RETREG1: variants seen among roughly 807,000 people sequenced by gnomAD.
RETREG1 encodes family with sequence similarity 134 member B.
Under a neutral mutation model 54.8 loss-of-function variants are expected in RETREG1, and 44 were observed. The observed-to-expected ratio is 0.80, with a 90% CI of 0.63 to 1.03. The LOEUF (loss-of-function observed/expected upper bound fraction) is 1.03. RETREG1 is among the 50% of genes least tolerant of loss of function. The pLI, the probability that RETREG1 is intolerant of heterozygous loss-of-function variation, is 0.00. For synonymous variants in RETREG1, 217 were observed against 238.5 expected (o/e 0.91, Z 0.83); for missense variants, 554 against 605.1 (o/e 0.92, Z 0.89).
intron 1 of RETREG1, among the ~76,000 whole-genome samples, chr5:16,573,742 G>GGT (rs1742250587): frequency 4.0e-5 from 5 of 126,470 alleles, no homozygotes; most frequent in African/African-American, 1.5e-4. Context: ...TTTGTTTTTT[G>GGT]TTTTTTTTTT....
At chr5:16,613,510 G>A (rs151053502) in intron 1 of RETREG1, among the ~76,000 whole-genome samples, 31 of 152,290 alleles carry the variant, frequency 2.0e-4, no homozygotes, top group African/African-American at 7.0e-4. Context: ...TATACCCATT[G>A]GTTACGGCTG....
chr5:16,539,626 C>T (rs1248394938), intron 3 of RETREG1, among the ~76,000 whole-genome samples: 3 of 152,148 alleles, frequency 2.0e-5, no homozygotes, highest in Non-Finnish European at 4.4e-5. Flanking sequence ...AACTGAGCCT[C>T]CCAGTCCTTT....
intron 3 of RETREG1, among the ~76,000 whole-genome samples, chr5:16,510,683 G>A (rs535125044): frequency 4.0e-5 from 6 of 151,774 alleles, no homozygotes; most frequent in Non-Finnish European, 2.9e-5. Context: ...CCAGCTACTC[G>A]GGAGGCTGAG....
intron 3 of RETREG1, among the ~76,000 whole-genome samples, chr5:16,529,708 T>C (rs779001369): frequency 3.4e-4 from 51 of 152,234 alleles, no homozygotes; most frequent in Admixed American, 8.5e-4. Flanking sequence ...CTATATCCGC[T>C]GGTTTGGTTA....
At chr5:16,596,866 C>T (rs1429276697) in intron 1 of RETREG1, among the ~76,000 whole-genome samples, 1 of 152,130 alleles carries the variant, frequency 6.6e-6, no homozygotes, top group African/African-American at 2.4e-5. Flanking sequence ...AGCTTCTATA[C>T]GCAAGCAGAT....
chr5:16,484,398 T>C (rs1402254993), intron 3 of RETREG1, among the ~76,000 whole-genome samples: 1 of 152,184 alleles, frequency 6.6e-6, no homozygotes, highest in Non-Finnish European at 1.5e-5. Flanking sequence ...TAAGAGATTA[T>C]TGAGAGATAT....
chr5:16,518,942 A>G (rs1378835155), intron 3 of RETREG1, among the ~76,000 whole-genome samples: 1 of 152,222 alleles, frequency 6.6e-6, no homozygotes. Flanking sequence ...TGTATTATGC[A>G]CTTTGCCAAA....
chr5:16,504,014 G>A (rs1316197089), intron 3 of RETREG1, among the ~76,000 whole-genome samples: 1 of 152,108 alleles, frequency 6.6e-6, no homozygotes, highest in Non-Finnish European at 1.5e-5. Context: ...TAGGTATTAA[G>A]CCCAGCATGC....
intron 7 of RETREG1, 43 bp from the exon 8 acceptor site, chr5:16,477,831 C>A (rs1303440053): frequency 1.9e-6 from 3 of 1,611,018 alleles, no homozygotes; most frequent in Non-Finnish European, 2.5e-6. Flanking sequence ...TTTTAAACTG[C>A]TGAAGGGAAT....
At chr5:16,505,236 A>T (rs1371822381) in intron 3 of RETREG1, among the ~76,000 whole-genome samples, 1 of 152,152 alleles carries the variant, frequency 6.6e-6, no homozygotes, top group Admixed American at 6.5e-5. Context: ...CAAACTTTTC[A>T]GTCCTTACTA....
At chr5:16,512,084 C>A (rs1479844380) in intron 3 of RETREG1, among the ~76,000 whole-genome samples, 1 of 152,200 alleles carries the variant, frequency 6.6e-6, no homozygotes, top group Non-Finnish European at 1.5e-5. Context: ...GGCTTCTTCA[C>A]CCAGATGGCA....
intron 3 of RETREG1, among the ~76,000 whole-genome samples, chr5:16,506,485 T>G (rs1032804727): frequency 2.6e-5 from 4 of 151,568 alleles, no homozygotes; most frequent in Admixed American, 6.6e-5. Flanking sequence ...TTGTTTTTTT[T>G]TTTTTTGAGA....
intron 3 of RETREG1, among the ~76,000 whole-genome samples, chr5:16,517,531 G>A (rs1740398854): frequency 6.6e-6 from 1 of 152,150 alleles, no homozygotes; most frequent in Non-Finnish European, 1.5e-5. Flanking sequence ...ACACATGGAA[G>A]CTATACTCAA....
chr5:16,563,720 T>G (rs2126627518), intron 3 of RETREG1, among the ~76,000 whole-genome samples: 1 of 152,304 alleles, frequency 6.6e-6, no homozygotes, highest in African/African-American at 2.4e-5. Context: ...AAAATGTATT[T>G]ATATTACTAG....
intron 3 of RETREG1, among the ~76,000 whole-genome samples, chr5:16,548,823 G>A (rs569185785): frequency 2.8e-4 from 42 of 152,318 alleles, no homozygotes; most frequent in African/African-American, 7.9e-4. Context: ...GTGGTGAGGG[G>A]AGCGTGAGCA....
intron 1 of RETREG1, among the ~76,000 whole-genome samples, chr5:16,614,686 T>C (rs1408091847): frequency 6.6e-6 from 1 of 152,188 alleles, no homozygotes; most frequent in Non-Finnish European, 1.5e-5. Flanking sequence ...CTAAAATACT[T>C]GCATATATGC....
chr5:16,525,128 G>A (rs1276187128), intron 3 of RETREG1, among the ~76,000 whole-genome samples: 25 of 126,418 alleles, frequency 2.0e-4, no homozygotes, highest in Admixed American at 3.8e-4. Context: ...GTGCGTGGGG[G>A]ACACTGTGAT....
At chr5:16,605,395 T>C (rs1034703674) in intron 1 of RETREG1, among the ~76,000 whole-genome samples, 1 of 152,284 alleles carries the variant, frequency 6.6e-6, no homozygotes, top group Non-Finnish European at 1.5e-5. Flanking sequence ...TCCTCCACCA[T>C]ATCATTGACC....
intron 7 of RETREG1, 106 bp from the exon 8 acceptor site, chr5:16,477,894 T>A: frequency 6.9e-7 from 1 of 1,444,694 alleles, no homozygotes; most frequent in Non-Finnish European, 9.6e-7. Context: ...AAAAACCAAA[T>A]GGATATTTTT....
Sources: allele counts gnomAD v4.1 joint callset (sites outside exome capture counted in the v4.1 genomes callset), GRCh38; gene constraint gnomAD v4.1.1; transcripts MANE v1.5; gene names NCBI Gene and HGNC (gene_info 2026-07-23, HGNC 2026-07-21).